EPHA5: variants seen among roughly 807,000 people sequenced by gnomAD.
EPHA5 encodes the protein ephrin type-A receptor 5.
EPHA5 carries 60 observed loss-of-function variants against 105.0 expected under a neutral mutation model. The observed-to-expected ratio is 0.57, with a 90% CI of 0.46 to 0.71. EPHA5 has a LOEUF of 0.71. Ranked by LOEUF, EPHA5 falls within the 30% of genes least tolerant of loss-of-function variation. The pLI, the probability that EPHA5 is intolerant of heterozygous loss-of-function variation, is 0.00. For synonymous variants in EPHA5, 513 were observed against 449.1 expected (o/e 1.14, Z -1.80); for missense variants, 1,218 against 1,274.7 (o/e 0.96, Z 0.68).
intron 7 of EPHA5, among the ~76,000 whole-genome samples, chr4:65,411,060 C>A (rs1472964007): frequency 6.6e-6 from 1 of 151,836 alleles, no homozygotes; most frequent in Non-Finnish European, 1.5e-5. Context: ...TTTGTTTTAT[C>A]ACTGCTGTTG....
Position 65,601,968 on chromosome 4 carries a change from G to C in EPHA5, c.583C>G (p.Leu195Val). 1 of 1,614,102 alleles carries C rather than the reference G, an allele frequency of 6.2e-7. No individual in the cohort carries two copies. Among genetic ancestry groups the C allele is most frequent in the Non-Finnish European group, 8.5e-7 (1 of 1,180,008 alleles). Residue 195 changes from leucine to valine, a missense_variant, in exon 3 of 17, where the codon CTG becomes GTG. This residue lies in a region of EPHA5 where 14 missense variants were observed against 33.7 expected (regional missense o/e 0.42). Transcript: ENST00000613740. ...ELDLGDRVMK[L>V]NTEVRDVGPL... Reference sequence around the variant, plus strand: ...CCTACATCTCTGACCTCTGTATTCAGTTTCATAACACGGTCACCAAGATCA... The same window carrying C: ...CCTACATCTCTGACCTCTGTATTCACTTTCATAACACGGTCACCAAGATCA...
intron 1 of EPHA5, among the ~76,000 whole-genome samples, chr4:65,665,889 T>C (rs1749925973): frequency 6.6e-6 from 1 of 152,212 alleles, no homozygotes; most frequent in Non-Finnish European, 1.5e-5. Context: ...GTAATAGCTC[T>C]CTTTTCTTGT....
chr4:65,398,930 T>G (rs1237027525), intron 8 of EPHA5, among the ~76,000 whole-genome samples: 5 of 152,154 alleles, frequency 3.3e-5, no homozygotes. Flanking sequence ...ACCTCATTCT[T>G]CCTGAGCATG....
chr4:65,383,562 G>C (rs985027621), intron 8 of EPHA5, among the ~76,000 whole-genome samples: 1 of 151,826 alleles, frequency 6.6e-6, no homozygotes, highest in Admixed American at 6.6e-5. Flanking sequence ...AACCCAGCAT[G>C]GAACTATGAC....
intron 1 of EPHA5, among the ~76,000 whole-genome samples, chr4:65,650,781 T>A (rs766237976): frequency 1.9e-4 from 29 of 152,144 alleles, no homozygotes; most frequent in Non-Finnish European, 3.2e-4. Flanking sequence ...CTAACTGCTC[T>A]CTCTGCAGAA....
At chr4:65,465,580 A>C (rs1196063746) in intron 5 of EPHA5, among the ~76,000 whole-genome samples, 1 of 137,894 alleles carries the variant, frequency 7.3e-6, no homozygotes, top group East Asian at 2.0e-4. Flanking sequence ...AAGGAAAGGA[A>C]GGAAAGGAAA....
intron 15 of EPHA5, among the ~76,000 whole-genome samples, chr4:65,333,529 G>A (rs963619399): frequency 2.1e-5 from 2 of 95,586 alleles, no homozygotes; most frequent in African/African-American, 8.6e-5. Context: ...GTGCGTGTGA[G>A]AGTGTGTGTC....
At chr4:65,528,508 G>T (rs762174395) in intron 3 of EPHA5, among the ~76,000 whole-genome samples, 2 of 151,958 alleles carry the variant, frequency 1.3e-5, no homozygotes, top group Non-Finnish European at 2.9e-5. Flanking sequence ...AAAATCCGTA[G>T]AGAATTCAAT....
intron 4 of EPHA5, 80 bp from the exon 5 acceptor site, chr4:65,490,792 C>G: frequency 7.2e-7 from 1 of 1,387,462 alleles, no homozygotes; most frequent in East Asian, 2.4e-5. Flanking sequence ...AATTCCTGGT[C>G]TGAAGGAAAA....
intron 11 of EPHA5, among the ~76,000 whole-genome samples, chr4:65,355,155 T>C (rs1221387333): frequency 6.6e-6 from 1 of 151,598 alleles, no homozygotes; most frequent in African/African-American, 2.4e-5. Context: ...GGCACATGTC[T>C]ATGCATATTG....
intron 10 of EPHA5, among the ~76,000 whole-genome samples, chr4:65,365,499 T>G (rs926141764): frequency 1.3e-5 from 2 of 150,578 alleles, no homozygotes; most frequent in Non-Finnish European, 3.0e-5. Flanking sequence ...TAAAAGTAAC[T>G]AATGAAAAAT....
intron 3 of EPHA5, among the ~76,000 whole-genome samples, chr4:65,556,714 C>G (rs1235411866): frequency 6.6e-6 from 1 of 151,994 alleles, no homozygotes; most frequent in Admixed American, 6.6e-5. Context: ...GCGTTATTTT[C>G]AGCATTATTA....
chr4:65,648,462 G>A (rs1236807168), intron 1 of EPHA5, among the ~76,000 whole-genome samples: 2 of 152,140 alleles, frequency 1.3e-5, no homozygotes, highest in Non-Finnish European at 1.5e-5. Flanking sequence ...GTGGGCAAAG[G>A]CTTAAGAGAA....
At chr4:65,469,103 T>C (rs2149156506) in intron 5 of EPHA5, among the ~76,000 whole-genome samples, 1 of 152,188 alleles carries the variant, frequency 6.6e-6, no homozygotes, top group East Asian at 1.9e-4. Flanking sequence ...GTGGTATGCA[T>C]ATGTGAAGTC....
chr4:65,559,775 A>C (rs1249998507), intron 3 of EPHA5, among the ~76,000 whole-genome samples: 2 of 152,182 alleles, frequency 1.3e-5, no homozygotes, highest in Non-Finnish European at 2.9e-5. Context: ...TGAATTTATT[A>C]ATATCTTATA....
At chr4:65,360,032 C>T (rs879498394) in intron 11 of EPHA5, among the ~76,000 whole-genome samples, 3 of 151,542 alleles carry the variant, frequency 2.0e-5, no homozygotes, top group Non-Finnish European at 1.5e-5. Context: ...AGGCAAGTTC[C>T]CTTAGAGCAT....
chr4:65,646,822 T>C (rs917726201), intron 1 of EPHA5, among the ~76,000 whole-genome samples: 2 of 152,150 alleles, frequency 1.3e-5, no homozygotes, highest in African/African-American at 4.8e-5. Flanking sequence ...ATTTTAGTCT[T>C]ATTTATAAAA....
At chr4:65,404,785 A>C (rs953277365) in intron 7 of EPHA5, among the ~76,000 whole-genome samples, 1 of 152,160 alleles carries the variant, frequency 6.6e-6, no homozygotes, top group African/African-American at 2.4e-5. Flanking sequence ...TGTGAATTAA[A>C]ATGGAACTCC....
intron 5 of EPHA5, 24 bp downstream of exon 5, chr4:65,490,353 A>C: frequency 6.2e-7 from 1 of 1,602,948 alleles, no homozygotes; most frequent in Non-Finnish European, 8.5e-7. Flanking sequence ...TCACATACAC[A>C]ATTGGGTTGG....
Sources: gnomAD v4.1 joint callset for allele counts (sites outside exome capture counted in the v4.1 genomes callset) on GRCh38, gnomAD v4.1.1 for gene constraint, gnomAD v4.1.1 regional missense constraint, MANE v1.5 for transcripts, NCBI Gene and HGNC (gene_info 2026-07-23, HGNC 2026-07-21) for gene names.